The following SPPL2A variants were observed in gnomAD, a reference collection of about 807,000 sequenced individuals.
SPPL2A encodes the protein signal peptide peptidase like 2A.
A neutral mutation model predicts 63.8 loss-of-function variants in SPPL2A; 51 were observed. That is an observed-to-expected ratio of 0.80 (90% CI 0.64 to 1.01). The LOEUF is 1.01. SPPL2A is among the 50% of genes least tolerant of loss of function. The pLI is 0.00. For synonymous variants in SPPL2A, 188 were observed against 205.8 expected (o/e 0.91, Z 0.74); for missense variants, 553 against 622.7 (o/e 0.89, Z 1.19).
rs1391044994 is a variant in SPPL2A at position 50,732,698 on chromosome 15, A to G, written c.933-14T>C. The G allele has an allele frequency of 2.7e-6, 4 of 1,481,940 alleles. No individual in the cohort carries two copies. In the Admixed American group the frequency reaches 6.7e-5, roughly 25 times the overall value. 91.8% of individuals were successfully genotyped at this position (1,481,940 alleles called of 1,614,324 possible). A position where few individuals can be genotyped will look rare whatever the true frequency, so the allele number is the denominator to read the frequency against. On this transcript the variant is annotated splice_polypyrimidine_tract_variant and intron_variant, in intron 8 of 14. Coordinates refer to ENST00000261854, the MANE Select transcript of SPPL2A (RefSeq NM_032802.4). The stretch of plus-strand genomic sequence containing the variant: ...ATCCAAGCCCACCTAAAATCAAAAA[A>G]TATTACTCTATTGCTTTATCAATGT...
rs747098982 is a variant in SPPL2A at position 50,736,109 on chromosome 15, A to G, written c.924T>C (p.Asn308=). ...ACATTGAGTATTCATACCTGTCTTCATTTCGAAACACAGCCCAAACAACAG... is the reference window on the plus strand; with the variant it reads ...ACATTGAGTATTCATACCTGTCTTCGTTTCGAAACACAGCCCAAACAACAG... The part of the protein sequence containing the change: ...AVAVVWAVFR[N]EDRWAWILQD... The change falls in exon 8 of 15, where the codon AAT becomes AAC. Residue 308 remains asparagine, a synonymous_variant. Transcript: ENST00000261854. 8 of 1,597,740 alleles carry G rather than the reference A, an allele frequency of 5.0e-6. No individual in the cohort carries two copies. The highest frequency in any genetic ancestry group is 6.9e-6 in the Non-Finnish European group (8 of 1,166,116).
chr15:50,726,291 T>G lies in SPPL2A; in HGVS notation c.1146+30A>C, dbSNP rs755193446. On this transcript the variant is annotated intron_variant, in intron 11 of 14. Coordinates refer to ENST00000261854, the MANE Select transcript of SPPL2A (RefSeq NM_032802.4). ...ACCGGATACACATACATACACTGGA[T>G]AGCCATTTCTATTTCATTGCCATCC... is the stretch of plus-strand genomic sequence containing the variant. The G allele has an allele frequency of 1.9e-6, 3 of 1,607,898 alleles. No homozygotes were observed. In the Admixed American group the frequency reaches 5.0e-5, roughly 27 times the overall value.
chr15:50,707,968 C>T (rs1055825028), intron 14 of SPPL2A, 94 bp from the exon 15 acceptor site: 8 of 727,004 alleles, frequency 1.1e-5, no homozygotes, highest in Non-Finnish European at 1.8e-5. Flanking sequence ...CTAAAAAACA[C>T]AGATTGCTCT....
chr15:50,725,442 CAG>C (rs1182753158), intron 11 of SPPL2A, 119 bp from the exon 12 acceptor site: 1 of 642,292 alleles, frequency 1.6e-6, no homozygotes, highest in African/African-American at 1.9e-5. Context: ...TTTTTGGAGA[CAG>C]AGTCTCGCTC....
intron 10 of SPPL2A, among the ~76,000 whole-genome samples, chr15:50,730,080 A>G (rs1340679923): frequency 1.3e-5 from 2 of 152,196 alleles, no homozygotes; most frequent in Non-Finnish European, 2.9e-5. Flanking sequence ...GGATAATATA[A>G]AGTTACAAAG....
intron 10 of SPPL2A, among the ~76,000 whole-genome samples, chr15:50,728,262 C>A (rs2062701445): frequency 6.6e-6 from 1 of 152,200 alleles, no homozygotes; most frequent in Admixed American, 6.5e-5. Flanking sequence ...GCTATGAGAT[C>A]TCTCATGGGG....
intron 5 of SPPL2A, among the ~76,000 whole-genome samples, chr15:50,745,962 A>G (rs1317928585): frequency 6.6e-6 from 1 of 151,892 alleles, no homozygotes; most frequent in Non-Finnish European, 1.5e-5. Flanking sequence ...GAGGCAGGGG[A>G]AGCGCTTGAA....
chr15:50,733,367 G>A (rs1355623715), intron 8 of SPPL2A, among the ~76,000 whole-genome samples: 1 of 151,924 alleles, frequency 6.6e-6, no homozygotes, highest in African/African-American at 2.4e-5. Context: ...ATAAACCTAA[G>A]TATATATTTT....
At chr15:50,737,313 A>C (rs1418787209) in intron 6 of SPPL2A, among the ~76,000 whole-genome samples, 6 of 152,200 alleles carry the variant, frequency 3.9e-5, no homozygotes, top group African/African-American at 1.2e-4. Flanking sequence ...ATCAATGACT[A>C]CTATAAACTA....
chr15:50,753,524 T>C (rs2062927609), intron 1 of SPPL2A, among the ~76,000 whole-genome samples: 1 of 152,240 alleles, frequency 6.6e-6, no homozygotes, highest in African/African-American at 2.4e-5. Flanking sequence ...CTGGTTATGT[T>C]ACAAGTTTTT....
At chr15:50,720,582 C>T (rs1352247765) in intron 13 of SPPL2A, among the ~76,000 whole-genome samples, 2 of 148,748 alleles carry the variant, frequency 1.3e-5, no homozygotes, top group African/African-American at 2.5e-5. Context: ...TGCAATGGCA[C>T]GATCTCAGCT....
At chr15:50,763,672 G>A (rs1264096400) in intron 1 of SPPL2A, among the ~76,000 whole-genome samples, 1 of 152,196 alleles carries the variant, frequency 6.6e-6, no homozygotes, top group Non-Finnish European at 1.5e-5. Context: ...GCCGAGGAGG[G>A]TGGATCACGA....
At chr15:50,723,126 T>G (rs1240667217) in intron 12 of SPPL2A, among the ~76,000 whole-genome samples, 1 of 152,146 alleles carries the variant, frequency 6.6e-6, no homozygotes, top group Non-Finnish European at 1.5e-5. Context: ...GCCTTACATA[T>G]GTTAGAATGG....
chr15:50,754,324 C>T (rs1424085024), intron 1 of SPPL2A, among the ~76,000 whole-genome samples: 1 of 152,142 alleles, frequency 6.6e-6, no homozygotes, highest in Non-Finnish European at 1.5e-5. Context: ...TCTTGGTGTA[C>T]ATCCTATGGG....
intron 2 of SPPL2A, among the ~76,000 whole-genome samples, chr15:50,749,101 C>T (rs2062884117): frequency 1.3e-5 from 2 of 152,150 alleles, no homozygotes; most frequent in African/African-American, 4.8e-5. Flanking sequence ...CAATGGTTCA[C>T]ACAATAAAAC....
At chr15:50,730,373 T>C (rs566836230) in intron 10 of SPPL2A, among the ~76,000 whole-genome samples, 1 of 152,236 alleles carries the variant, frequency 6.6e-6, no homozygotes, top group East Asian at 1.9e-4. Flanking sequence ...TGAGTCTAGT[T>C]TCTCTTGACG....
At chr15:50,753,780 A>C (rs941068064) in intron 1 of SPPL2A, among the ~76,000 whole-genome samples, 4 of 151,962 alleles carry the variant, frequency 2.6e-5, no homozygotes, top group Non-Finnish European at 4.4e-5. Context: ...GCTAAAGGAC[A>C]TGGAGTTTCT....
intron 14 of SPPL2A, among the ~76,000 whole-genome samples, chr15:50,717,041 A>G (rs1483606755): frequency 6.6e-6 from 1 of 152,006 alleles, no homozygotes; most frequent in East Asian, 1.9e-4. Context: ...GAAGCCCTGA[A>G]CTCTACTTCT....
chr15:50,757,361 C>T (rs62018812), intron 1 of SPPL2A, among the ~76,000 whole-genome samples: 4,342 of 152,200 alleles, frequency 0.029, 77 homozygotes, highest in Middle Eastern at 0.1. Flanking sequence ...GGATTACAGG[C>T]GTGAGCCACC....
Sources: gnomAD v4.1 joint callset for allele counts (sites outside exome capture counted in the v4.1 genomes callset) on GRCh38, gnomAD v4.1.1 for gene constraint, MANE v1.5 for transcripts, NCBI Gene and HGNC (gene_info 2026-07-23, HGNC 2026-07-21) for gene names.